Variants in SYNDIG1 observed in about 807,000 individuals in gnomAD.
SYNDIG1 encodes synapse differentiation-inducing gene protein 1.
SYNDIG1 carries 9 observed loss-of-function variants against 19.4 expected under a neutral mutation model. That is an observed-to-expected ratio of 0.46 (90% CI 0.28 to 0.81). SYNDIG1 has a LOEUF of 0.81. Ranked by LOEUF, SYNDIG1 falls within the 30% of genes least tolerant of loss-of-function variation. The probability of loss-of-function intolerance (pLI) is 0.12; values close to 1 mark genes in which losing one functional copy is unlikely to be tolerated. For synonymous variants in SYNDIG1, 141 were observed against 145.9 expected (o/e 0.97, Z 0.24); for missense variants, 311 against 343.3 (o/e 0.91, Z 0.74).
intron 3 of SYNDIG1, among the ~76,000 whole-genome samples, chr20:24,615,131 C>T (rs1225883178): frequency 1.3e-5 from 2 of 152,186 alleles, no homozygotes; most frequent in African/African-American, 4.8e-5. Context: ...AGGCAGCTTC[C>T]TTGCTAATGT....
At chr20:24,567,244 A>G (rs532631443) in intron 2 of SYNDIG1, among the ~76,000 whole-genome samples, 38 of 152,298 alleles carry the variant, frequency 2.5e-4, no homozygotes, top group African/African-American at 9.1e-4. Context: ...TCCCCCTGGC[A>G]GTTCAAATCC....
At chr20:24,568,642 G>T (rs115157532) in intron 2 of SYNDIG1, among the ~76,000 whole-genome samples, 2 of 152,302 alleles carry the variant, frequency 1.3e-5, no homozygotes, top group Admixed American at 1.3e-4. Context: ...GATCACCTCC[G>T]TGGATCTGTA....
intron 1 of SYNDIG1, among the ~76,000 whole-genome samples, chr20:24,540,575 T>G (rs1367414694): frequency 6.6e-6 from 1 of 152,192 alleles, no homozygotes; most frequent in Non-Finnish European, 1.5e-5. Context: ...GTTTTTATCA[T>G]GAAAAGGAAA....
chr20:24,520,552 G>A (rs1190648831), intron 1 of SYNDIG1, among the ~76,000 whole-genome samples: 2 of 152,040 alleles, frequency 1.3e-5, no homozygotes, highest in African/African-American at 2.4e-5. Flanking sequence ...AATTAGCTTG[G>A]TGTTGTGGTG....
At chr20:24,547,234 C>G (rs79773291) in intron 2 of SYNDIG1, among the ~76,000 whole-genome samples, 3,674 of 152,314 alleles carry the variant, frequency 0.024, 130 homozygotes, top group African/African-American at 0.083. Flanking sequence ...TGTGTTTTCC[C>G]CAATCACTTT....
At chr20:24,632,737 C>T (rs2059262726) in intron 3 of SYNDIG1, among the ~76,000 whole-genome samples, 1 of 152,184 alleles carries the variant, frequency 6.6e-6, no homozygotes, top group Admixed American at 6.5e-5. Flanking sequence ...TGCTTCCCTT[C>T]AAGTATTTAG....
intron 1 of SYNDIG1, among the ~76,000 whole-genome samples, chr20:24,487,500 G>C (rs1021432255): frequency 2.6e-5 from 4 of 152,102 alleles, no homozygotes; most frequent in Non-Finnish European, 5.9e-5. Context: ...AGTGAGAGAT[G>C]AGTGCTGTTA....
At chr20:24,602,749 G>A (rs558075453) in intron 3 of SYNDIG1, among the ~76,000 whole-genome samples, 128 of 152,232 alleles carry the variant, frequency 8.4e-4, no homozygotes, top group African/African-American at 2.8e-3. Flanking sequence ...AGGATTTTTA[G>A]CTGTCTTCTG....
At chr20:24,664,023 T>C (rs1202625633) in intron 3 of SYNDIG1, among the ~76,000 whole-genome samples, 2 of 152,106 alleles carry the variant, frequency 1.3e-5, no homozygotes, top group Non-Finnish European at 2.9e-5. Context: ...TCCCTTTATC[T>C]CTGCTCCCTC....
chr20:24,533,682 G>T (rs2057306051), intron 1 of SYNDIG1, among the ~76,000 whole-genome samples: 2 of 152,114 alleles, frequency 1.3e-5, no homozygotes, highest in African/African-American at 4.8e-5. Flanking sequence ...CCCACCCCAG[G>T]ACAAAGGTGC....
chr20:24,623,083 A>C (rs4815288), intron 3 of SYNDIG1, among the ~76,000 whole-genome samples: 33,628 of 151,934 alleles, frequency 0.22, 4,350 homozygotes, highest in Admixed American at 0.37. Flanking sequence ...GGAGACTGAG[A>C]CAGGAGAATT....
intron 2 of SYNDIG1, among the ~76,000 whole-genome samples, chr20:24,557,919 A>T (rs1367228936): frequency 1.3e-5 from 2 of 152,228 alleles, no homozygotes; most frequent in Non-Finnish European, 2.9e-5. Context: ...CTATTCGGCC[A>T]TCTTGGCTGC....
intron 3 of SYNDIG1, among the ~76,000 whole-genome samples, chr20:24,659,568 A>G (rs2059563625): frequency 6.6e-6 from 1 of 151,356 alleles, no homozygotes; most frequent in Non-Finnish European, 1.5e-5. Flanking sequence ...GCCGCTGGGA[A>G]GGTACCATGG....
At chr20:24,631,684 A>G (rs74934497) in intron 3 of SYNDIG1, among the ~76,000 whole-genome samples, 4,500 of 152,302 alleles carry the variant, frequency 0.03, 217 homozygotes, top group African/African-American at 0.1. Flanking sequence ...GGAAACAAAC[A>G]TATCGGAAAA....
chr20:24,570,109 G>A (rs1312145557), intron 2 of SYNDIG1, among the ~76,000 whole-genome samples: 2 of 152,128 alleles, frequency 1.3e-5, no homozygotes, highest in Non-Finnish European at 2.9e-5. Context: ...AAATCTTCTG[G>A]CAGAGTTGAT....
chr20:24,598,822 C>G (rs1176211560), intron 3 of SYNDIG1, among the ~76,000 whole-genome samples: 1 of 152,160 alleles, frequency 6.6e-6, no homozygotes, highest in Non-Finnish European at 1.5e-5. Context: ...TATCTTTCAT[C>G]ATACGCAAAA....
At chr20:24,484,694 C>A (rs2055907230) in intron 1 of SYNDIG1, among the ~76,000 whole-genome samples, 1 of 152,212 alleles carries the variant, frequency 6.6e-6, no homozygotes, top group South Asian at 2.1e-4. Flanking sequence ...ACTCCAATTA[C>A]TTGCCCTACA....
intron 3 of SYNDIG1, among the ~76,000 whole-genome samples, chr20:24,594,423 T>C (rs1048132075): frequency 1.3e-5 from 2 of 152,254 alleles, no homozygotes; most frequent in Non-Finnish European, 2.9e-5. Context: ...TTTTGGTTAT[T>C]GTGGCCTTCT....
Position 24,665,756 on chromosome 20 carries a change from T to C in SYNDIG1, c.*252T>C, listed in dbSNP as rs1264731453. 3.2e-5 allele frequency: 16 copies of C among 497,724 alleles called. No individual in the cohort carries two copies. Among genetic ancestry groups the C allele is most frequent in the Non-Finnish European group, 4.4e-5 (13 of 294,306 alleles). 30.8% of individuals were successfully genotyped at this position (497,724 alleles called of 1,614,324 possible). On this transcript the variant is annotated 3_prime_UTR_variant, in exon 4 of 4. Transcript: ENST00000376862. ...CTCCAAAGATCCCAGCCCGCAAGGCTGTCTCTGGATGGATTCTGGTGGATG... is the reference window on the plus strand; with the variant it reads ...CTCCAAAGATCCCAGCCCGCAAGGCCGTCTCTGGATGGATTCTGGTGGATG...
Sources: gnomAD v4.1 joint callset for allele counts (sites outside exome capture counted in the v4.1 genomes callset) on GRCh38, gnomAD v4.1.1 for gene constraint, MANE v1.5 for transcripts, NCBI Gene and HGNC (gene_info 2026-07-23, HGNC 2026-07-21) for gene names.